The following MARCHF1 variants were observed in gnomAD, a reference collection of about 807,000 sequenced individuals.
The protein encoded by MARCHF1 is membrane associated ring-CH-type finger 1.
A neutral mutation model predicts 54.2 loss-of-function variants in MARCHF1; 40 were observed. That is an observed-to-expected ratio of 0.74 (90% CI 0.57 to 0.96). The LOEUF is 0.96. Among genes scored for constraint, MARCHF1 ranks in the 40% least tolerant of loss-of-function variants. MARCHF1 has a pLI of 0.00. For missense variants in MARCHF1, 586 were observed against 656.5 expected, an observed-to-expected ratio of 0.89 and a Z score of 1.17; for synonymous variants, 236 against 236.3, an observed-to-expected ratio of 1.00 and a Z score of 0.01.
rs1439207386 is a variant in MARCHF1, at chr4:164,264,875, A to T, written c.-323+118995T>A. 2.7e-5 allele frequency among the ~76,000 whole-genome samples: 4 copies of T among 150,614 alleles called. No individual in the cohort carries two copies. The East Asian group carries it at 5.8e-4, about 22-fold the overall frequency. On this transcript the variant is annotated intron_variant, in intron 1 of 9. Transcript: ENST00000514618. ...GTGGAGTTTACAGTGAGCCAAAATC[A>T]CGCCATTGCACTCCAGCCTGGGCAA... is the stretch of plus-strand genomic sequence containing the variant.
intron 4 of MARCHF1, among the ~76,000 whole-genome samples, chr4:163,753,031 C>T (rs1038302044): frequency 6.6e-6 from 1 of 152,110 alleles, no homozygotes; most frequent in African/African-American, 2.4e-5. Context: ...TTCTTTTGAA[C>T]ACACACATAT....
At chr4:163,585,391 T>C (rs1042414492) in intron 8 of MARCHF1, 1 of 156,304 alleles carries the variant, frequency 6.4e-6, no homozygotes, top group African/African-American at 2.4e-5. Context: ...TCTTGAGAAC[T>C]GGCTTCCGTA....
At chr4:164,332,627 C>G (rs1292536972) in intron 1 of MARCHF1, among the ~76,000 whole-genome samples, 1 of 152,050 alleles carries the variant, frequency 6.6e-6, no homozygotes, top group Non-Finnish European at 1.5e-5. Flanking sequence ...TTCAAATTTA[C>G]TTTAGGGCTG....
chr4:163,994,090 A>G (rs1753017162), intron 2 of MARCHF1, among the ~76,000 whole-genome samples: 1 of 152,040 alleles, frequency 6.6e-6, no homozygotes, highest in Non-Finnish European at 1.5e-5. Flanking sequence ...AATAGAAAAA[A>G]CTGTTTCGGA....
At chr4:164,130,829 G>T (rs1756285486) in intron 1 of MARCHF1, among the ~76,000 whole-genome samples, 1 of 152,106 alleles carries the variant, frequency 6.6e-6, no homozygotes. Flanking sequence ...ATTGATTGAT[G>T]TCGTTATATG....
chr4:163,704,496 T>C (rs1433643345), intron 4 of MARCHF1, among the ~76,000 whole-genome samples: 2 of 151,808 alleles, frequency 1.3e-5, no homozygotes, highest in East Asian at 1.9e-4. Context: ...TATTTGACCT[T>C]AAATAATAGC....
At chr4:163,829,222 T>C (rs1293344403) in intron 4 of MARCHF1, 1 of 152,178 alleles carries the variant, frequency 6.6e-6, no homozygotes, top group Non-Finnish European at 1.5e-5. Context: ...TGCCGTGGAT[T>C]TTCTAAAAAG....
At chr4:163,586,672 T>C (rs1740423854) in intron 7 of MARCHF1, among the ~76,000 whole-genome samples, 1 of 152,224 alleles carries the variant, frequency 6.6e-6, no homozygotes, top group South Asian at 2.1e-4. Flanking sequence ...ATTTAATCTA[T>C]TTAACAGGAT....
intron 1 of MARCHF1, among the ~76,000 whole-genome samples, chr4:164,294,787 T>G (rs962603168): frequency 1.4e-4 from 21 of 152,250 alleles, no homozygotes; most frequent in African/African-American, 5.1e-4. Context: ...TACAAACAAG[T>G]AGGGAAGGCA....
chr4:163,640,300 T>C (rs1016719085), intron 5 of MARCHF1, among the ~76,000 whole-genome samples: 19 of 152,162 alleles, frequency 1.2e-4, no homozygotes, highest in South Asian at 1.2e-3. Flanking sequence ...GTTAGATGAG[T>C]TAAGAGTTTT....
intron 1 of MARCHF1, among the ~76,000 whole-genome samples, chr4:164,217,773 A>G (rs1369411641): frequency 6.6e-6 from 1 of 152,170 alleles, no homozygotes; most frequent in African/African-American, 2.4e-5. Context: ...CTGAAGCCTA[A>G]AAGGTGCTCC....
intron 1 of MARCHF1, among the ~76,000 whole-genome samples, chr4:164,136,130 GA>G (rs1299863904): frequency 2.0e-5 from 3 of 151,702 alleles, no homozygotes; most frequent in Non-Finnish European, 4.4e-5. Flanking sequence ...TCCTCACTGG[GA>G]GAGTGACGTT....
At chr4:164,316,347 A>T (rs1734997283) in intron 1 of MARCHF1, among the ~76,000 whole-genome samples, 1 of 152,216 alleles carries the variant, frequency 6.6e-6, no homozygotes, top group African/African-American at 2.4e-5. Flanking sequence ...GAGCAATGAA[A>T]GGCAGATTCT....
chr4:164,300,713 G>C (rs1049521312), intron 1 of MARCHF1, among the ~76,000 whole-genome samples: 6 of 152,064 alleles, frequency 3.9e-5, no homozygotes, highest in Non-Finnish European at 8.8e-5. Flanking sequence ...GCTAATTTTT[G>C]TATTTTATCT....
chr4:164,041,670 A>T (rs146921725), intron 2 of MARCHF1, among the ~76,000 whole-genome samples: 12 of 152,308 alleles, frequency 7.9e-5, no homozygotes, highest in African/African-American at 2.6e-4. Flanking sequence ...TAGCATCAAC[A>T]TCAATGGGAA....
chr4:164,091,985 T>C (rs541006457), intron 2 of MARCHF1, among the ~76,000 whole-genome samples: 1 of 152,144 alleles, frequency 6.6e-6, no homozygotes, highest in South Asian at 2.1e-4. Context: ...CTGGCATCTT[T>C]TTTCCACACT....
At position 163,526,377 on chromosome 4, in the gene MARCHF1, C is replaced by CAA. The variant is rs1472522588; in HGVS notation, c.*2369_*2370dup. 6.6e-6 allele frequency: 1 copy of CAA among 151,680 alleles called. No individual in the cohort carries two copies. The highest frequency in any genetic ancestry group is 1.5e-5 in the Non-Finnish European group (1 of 67,946). The allele number at this position is 151,680 out of a possible 1,614,324, so 9.4% of individuals were successfully genotyped here. Reference sequence around the variant, plus strand: ...ATAATTATTTTACTTTCAGAGCAAACAAAAGAGAAATCAACATTTCTTTGT... The same window carrying CAA: ...ATAATTATTTTACTTTCAGAGCAAACAAAAAAGAGAAATCAACATTTCTTTGT... On this transcript the variant is annotated 3_prime_UTR_variant, in exon 10 of 10. Transcript: ENST00000514618.
chr4:163,865,741 T>C (rs1390446700), intron 3 of MARCHF1, among the ~76,000 whole-genome samples: 1 of 151,734 alleles, frequency 6.6e-6, no homozygotes, highest in African/African-American at 2.4e-5. Context: ...GGGTGTTTTA[T>C]TATTTAATAT....
At chr4:164,198,453 T>C (rs1044425368) in intron 1 of MARCHF1, among the ~76,000 whole-genome samples, 2 of 152,202 alleles carry the variant, frequency 1.3e-5, no homozygotes, top group African/African-American at 4.8e-5. Flanking sequence ...GCAAGGAAAA[T>C]AGTATTTCTA....
Sources: allele counts gnomAD v4.1 joint callset (sites outside exome capture counted in the v4.1 genomes callset), GRCh38; gene constraint gnomAD v4.1.1; transcripts MANE v1.5; gene names NCBI Gene and HGNC (gene_info 2026-07-23, HGNC 2026-07-21).